MYCBP2: variants seen among roughly 807,000 people sequenced by gnomAD.
The protein encoded by MYCBP2 is E3 ubiquitin-protein ligase MYCBP2.
MYCBP2 carries 120 observed loss-of-function variants against 525.3 expected under a neutral mutation model. The ratio of observed to expected loss-of-function variants is 0.23; its 90% CI spans 0.20 to 0.27. The LOEUF (loss-of-function observed/expected upper bound fraction) is 0.27, where lower values mean the gene tolerates loss of function less well. MYCBP2 is among the 10% of genes least tolerant of loss of function. MYCBP2 has a pLI of 1.00. For synonymous variants in MYCBP2, 1,894 were observed against 1,955.8 expected, an observed-to-expected ratio of 0.97 and a Z score of 0.83; for missense variants, 4,149 against 5,657.1, an observed-to-expected ratio of 0.73 and a Z score of 8.55.
intron 67 of MYCBP2, 33 bp downstream of exon 67, chr13:77,077,115 T>C (rs1200880343): frequency 2.5e-6 from 4 of 1,597,850 alleles, no homozygotes; most frequent in African/African-American, 2.7e-5. Flanking sequence ...ACATCAATTA[T>C]CCTGTGCTAG....
At chr13:77,219,834 T>C (rs1029515984) in intron 20 of MYCBP2, among the ~76,000 whole-genome samples, 2 of 152,102 alleles carry the variant, frequency 1.3e-5, no homozygotes, top group Non-Finnish European at 2.9e-5. Context: ...AACTCAGATA[T>C]AAAGGACTTC....
chr13:77,321,167 T>C (rs1366239455), intron 1 of MYCBP2, among the ~76,000 whole-genome samples: 2 of 152,238 alleles, frequency 1.3e-5, no homozygotes, highest in Non-Finnish European at 2.9e-5. Context: ...GTGAGACTAT[T>C]CTGTTGATTT....
rs765897692 is a variant in MYCBP2, at chr13:77,185,106, A to T, written c.4716T>A (p.Asp1572Glu). ...ACATTTTACAAACTTAAATTACCTG[A>T]TCCAAACAATTCAGCAGATCACAAA... Reference protein sequence around the residue: ...ACLCDLLNCLDQDIQEANFKT... With the variant: ...ACLCDLLNCLEQDIQEANFKT... The change falls in exon 32 of 83, where the codon GAT (aspartate) becomes GAA (glutamate). Residue 1572 changes from aspartate (D) to glutamate (E), a missense_variant. Around this residue, in one of 21 missense-constraint regions of MYCBP2, gnomAD observed 292 missense variants for 330.5 expected, o/e 0.88. Coordinates refer to ENST00000544440, the MANE Select transcript of MYCBP2 (RefSeq NM_015057.5). 1 of 1,613,282 alleles carries T rather than the reference A, an allele frequency of 6.2e-7. No individual in the cohort carries two copies. Among genetic ancestry groups the T allele is most frequent in the South Asian group, 1.1e-5 (1 of 90,968 alleles).
intron 54 of MYCBP2, among the ~76,000 whole-genome samples, chr13:77,122,307 T>C (rs2050855462): frequency 6.6e-6 from 1 of 152,172 alleles, no homozygotes; most frequent in South Asian, 2.1e-4. Flanking sequence ...AGGTATTTAT[T>C]CCATTAAAAT....
chr13:77,058,766 C>T lies in MYCBP2; in HGVS notation c.13141-360G>A, dbSNP rs962659459. Among the ~76,000 whole-genome samples, 4 of 152,100 alleles carry T rather than the reference C, an allele frequency of 2.6e-5. No homozygotes were observed. Among genetic ancestry groups the T allele is most frequent in the Non-Finnish European group, 5.9e-5 (4 of 68,012 alleles). ...CTTTGGGAGGCTGAGGTGGGCAGATCACGAGATCAGGAGTTTGAGACCAGC... is the reference window on the plus strand; with the variant it reads ...CTTTGGGAGGCTGAGGTGGGCAGATTACGAGATCAGGAGTTTGAGACCAGC... On this transcript the variant is annotated intron_variant, in intron 77 of 82. Transcript: ENST00000544440. The surrounding 1 kb of genome is among the most constrained non-coding windows in gnomAD (Gnocchi z 4.1).
intron 52 of MYCBP2, among the ~76,000 whole-genome samples, chr13:77,135,833 C>CT (rs1221355586): frequency 6.6e-6 from 1 of 151,298 alleles, no homozygotes; most frequent in Non-Finnish European, 1.5e-5. Flanking sequence ...TTGTTTTTAT[C>CT]TTTTTTTTCT....
At chr13:77,317,097 G>A (rs1399458874) in intron 1 of MYCBP2, among the ~76,000 whole-genome samples, 5 of 152,058 alleles carry the variant, frequency 3.3e-5, no homozygotes, top group African/African-American at 1.2e-4. Context: ...TTACAAGCAC[G>A]CGCCAACATG....
At chr13:77,085,990 C>T (rs987405071) in intron 62 of MYCBP2, among the ~76,000 whole-genome samples, 2 of 152,050 alleles carry the variant, frequency 1.3e-5, no homozygotes, top group Non-Finnish European at 2.9e-5. Context: ...TCAATTGTTA[C>T]TTTTTTTAAG....
At chr13:77,106,216 G>C (rs1338688937) in intron 55 of MYCBP2, among the ~76,000 whole-genome samples, 3 of 152,074 alleles carry the variant, frequency 2.0e-5, no homozygotes, top group Non-Finnish European at 4.4e-5. Flanking sequence ...TTTGAGTGTT[G>C]AGTCAACAAC....
intron 1 of MYCBP2, among the ~76,000 whole-genome samples, chr13:77,310,516 T>A (rs1417169377): frequency 1.3e-5 from 2 of 152,178 alleles, no homozygotes; most frequent in African/African-American, 4.8e-5. Context: ...ACAGAGACTC[T>A]ATGGCCCATA....
chr13:77,262,769 C>T (rs891552441), intron 10 of MYCBP2, among the ~76,000 whole-genome samples: 4 of 151,902 alleles, frequency 2.6e-5, no homozygotes, highest in African/African-American at 9.7e-5. Flanking sequence ...TGTAGCTTTA[C>T]ATATGGTACA....
rs2040154229 is a variant in MYCBP2, at chr13:77,066,072, C to T, written c.12472G>A (p.Glu4158Lys). The change falls in exon 72 of 83, where the codon GAA (glutamate) becomes AAA (lysine). Residue 4158 changes from glutamate to lysine, a missense_variant. Transcript: ENST00000544440. ...IFNSSYLRRGESHWWMKGSTP... is the reference protein window; with the variant it reads ...IFNSSYLRRGKSHWWMKGSTP... Reference sequence around the variant, plus strand: ...GAGCCCTTCATCCACCAATGACTTTCACCTCGTCGGAGATAACTACAAGAA... The same window carrying T: ...GAGCCCTTCATCCACCAATGACTTTTACCTCGTCGGAGATAACTACAAGAA... 2.5e-6 allele frequency: 4 copies of T among 1,612,322 alleles called. No individual in the cohort carries two copies. Among genetic ancestry groups the T allele is most frequent in the East Asian group, 2.2e-5 (1 of 44,828 alleles).
intron 2 of MYCBP2, among the ~76,000 whole-genome samples, chr13:77,294,798 T>C (rs899506206): frequency 6.6e-6 from 1 of 152,216 alleles, no homozygotes; most frequent in Admixed American, 6.5e-5. Flanking sequence ...GAACAGATTA[T>C]TTTTCTGCCT....
At chr13:77,313,441 T>C (rs1227681866) in intron 1 of MYCBP2, among the ~76,000 whole-genome samples, 1 of 151,942 alleles carries the variant, frequency 6.6e-6, no homozygotes, top group East Asian at 1.9e-4. Flanking sequence ...TACAAAGAAA[T>C]GAATCTAGAA....
At position 77,164,437 on chromosome 13, in the gene MYCBP2, G is replaced by A. The variant is rs1236461965; in HGVS notation, c.6547+17C>T. 1 of 1,543,618 alleles carries A rather than the reference G, an allele frequency of 6.5e-7. No individual in the cohort carries two copies. Reference sequence around the variant, plus strand: ...ACAAAACCCTATCAAAAAACATCCAGTATTGGCCACACTTACCAATAGGAA... The same window carrying A: ...ACAAAACCCTATCAAAAAACATCCAATATTGGCCACACTTACCAATAGGAA... On this transcript the variant is annotated intron_variant, in intron 43 of 82. Coordinates refer to ENST00000544440, the MANE Select transcript of MYCBP2 (RefSeq NM_015057.5).
chr13:77,227,653 G>T (rs928553190), intron 18 of MYCBP2, among the ~76,000 whole-genome samples: 9 of 152,094 alleles, frequency 5.9e-5, no homozygotes, highest in African/African-American at 1.9e-4. Flanking sequence ...GTGTTCATAT[G>T]ATTCTGCCAG....
chr13:77,203,251 A>G (rs2062849483), intron 26 of MYCBP2, among the ~76,000 whole-genome samples: 1 of 152,016 alleles, frequency 6.6e-6, no homozygotes, highest in South Asian at 2.1e-4. Flanking sequence ...TACACCAACA[A>G]CAGACAAACA....
chr13:77,215,769 T>A (rs915553706), intron 21 of MYCBP2, among the ~76,000 whole-genome samples: 3 of 152,130 alleles, frequency 2.0e-5, no homozygotes, highest in Non-Finnish European at 2.9e-5. Flanking sequence ...TTAATAGAGA[T>A]GGGGTCTCAC....
At chr13:77,274,922 C>A (rs1256979309) in intron 4 of MYCBP2, among the ~76,000 whole-genome samples, 2 of 151,864 alleles carry the variant, frequency 1.3e-5, no homozygotes, top group Non-Finnish European at 2.9e-5. Flanking sequence ...CCATTTTTTT[C>A]CATTTATCCT....
Sources: allele counts gnomAD v4.1 joint callset (sites outside exome capture counted in the v4.1 genomes callset), GRCh38; gene constraint gnomAD v4.1.1; regional missense constraint gnomAD v4.1.1; non-coding constraint Gnocchi (gnomAD v3.1); transcripts MANE v1.5; gene names NCBI Gene and HGNC (gene_info 2026-07-23, HGNC 2026-07-21).